Variants in GTPBP2 observed in about 807,000 individuals in gnomAD.
GTPBP2 encodes GTP binding protein 2.
GTPBP2 carries 32 observed loss-of-function variants against 63.0 expected under a neutral mutation model. The observed-to-expected ratio is 0.51, with a 90% CI of 0.38 to 0.68. The LOEUF is 0.68. Ranked by LOEUF, GTPBP2 falls within the 30% of genes least tolerant of loss-of-function variation. GTPBP2 has a pLI of 0.00. For synonymous variants in GTPBP2, 310 were observed against 322.6 expected (o/e 0.96, Z 0.42); for missense variants, 492 against 796.9 (o/e 0.62, Z 4.61).
Position 43,628,881 on chromosome 6 carries a change from C to T in GTPBP2, c.186+96G>A, listed in dbSNP as rs749333131. ...GCCCCTCCTCCCTGGGGTCTCGACA[C>T]CGGAAGGGGAGATTAATTATCTGGG... is the stretch of plus-strand genomic sequence containing the variant. On this transcript the variant is annotated intron_variant, in intron 1 of 11. Transcript: ENST00000307126. The T allele has an allele frequency of 1.0e-5, 14 of 1,352,554 alleles. No individual in the cohort carries two copies. In the South Asian group the frequency reaches 1.6e-4, roughly 16 times the overall value. 83.8% of individuals were successfully genotyped at this position (1,352,554 alleles called of 1,614,324 possible). A position where few individuals can be genotyped will look rare whatever the true frequency, so the allele number is the denominator to read the frequency against.
chr6:43,621,592 G>C lies in GTPBP2; in HGVS notation c.*22C>G. On this transcript the variant is annotated 3_prime_UTR_variant, in exon 12 of 12. Coordinates refer to ENST00000307126, the MANE Select transcript of GTPBP2 (RefSeq NM_019096.5). ...CTTATATATTGTAGGGACAGCAATA[G>C]AACTGTCCCTGCCTGAAGGGTTCAG... 12 of 1,613,580 alleles carry C rather than the reference G, an allele frequency of 7.4e-6. No homozygotes were observed. The highest frequency in any genetic ancestry group is 1.0e-5 in the Non-Finnish European group (12 of 1,179,514).
rs774475138 is a variant in GTPBP2 at position 43,624,744 on chromosome 6, C to G, written c.881-15G>C. The G allele has an allele frequency of 1.2e-6, 2 of 1,610,094 alleles. No individual in the cohort carries two copies. The highest frequency in any genetic ancestry group is 1.7e-6 in the Non-Finnish European group (2 of 1,176,928). ...TGTGGTGCCAGCTGCCTCATAAGGA[C>G]AGCAAGCAGCAGGAGAGAAGAGTGA... On this transcript the variant is annotated splice_polypyrimidine_tract_variant and intron_variant, in intron 6 of 11. Coordinates refer to ENST00000307126, the MANE Select transcript of GTPBP2 (RefSeq NM_019096.5). The surrounding 1 kb of genome is among the most constrained non-coding windows in gnomAD (Gnocchi z 5.1).
Position 43,621,488 on chromosome 6 carries a change from G to A in GTPBP2, c.*126C>T, listed in dbSNP as rs376907976. 45 of 1,559,670 alleles carry A rather than the reference G, an allele frequency of 2.9e-5. No homozygotes were observed. The highest frequency in any genetic ancestry group is 2.4e-4 in the South Asian group (20 of 84,842). ...TCTCCAGAAAGTTGGCAGGGAGCAAGTGGCAGACAGCACCCCTCTCTCCCT... is the reference window on the plus strand; with the variant it reads ...TCTCCAGAAAGTTGGCAGGGAGCAAATGGCAGACAGCACCCCTCTCTCCCT... On this transcript the variant is annotated 3_prime_UTR_variant, in exon 12 of 12. Transcript: ENST00000307126.
intron 1 of GTPBP2, 126 bp from the exon 2 acceptor site, chr6:43,627,074 AAGTGC>A: frequency 1.2e-6 from 1 of 858,310 alleles, no homozygotes; most frequent in Non-Finnish European, 1.8e-6. Flanking sequence ...TTGGTTAGGC[AAGTGC>A]CTGTCAAAGG....
intron 1 of GTPBP2, chr6:43,627,172 T>C: frequency 1.4e-6 from 1 of 729,392 alleles, no homozygotes; most frequent in Non-Finnish European, 1.9e-6. Context: ...GAGTCACCCA[T>C]TTAAGCCAGG....
upstream of GTPBP2, chr6:43,629,547 T>G: frequency 1.5e-6 from 1 of 648,900 alleles, no homozygotes; most frequent in Non-Finnish European, 2.8e-6. Flanking sequence ...TTGGGGGGAA[T>G]TTAGAGCCTC....
In GTPBP2 at chr6:43,621,578, T is replaced by C. The variant is rs370454824; in HGVS notation, c.*36A>G. On this transcript the variant is annotated 3_prime_UTR_variant, in exon 12 of 12. Transcript: ENST00000307126. ...TGGCCAGAAGTCACCTTATATATTGTAGGGACAGCAATAGAACTGTCCCTG... is the reference window on the plus strand; with the variant it reads ...TGGCCAGAAGTCACCTTATATATTGCAGGGACAGCAATAGAACTGTCCCTG... The C allele has an allele frequency of 2.7e-5, 44 of 1,613,922 alleles. No homozygotes were observed. The African/African-American group carries it at 5.7e-4, about 21-fold the overall frequency.
upstream of GTPBP2, among the ~76,000 whole-genome samples, chr6:43,629,954 TA>T (rs1466378959): frequency 6.6e-6 from 1 of 152,256 alleles, no homozygotes; most frequent in East Asian, 1.9e-4. Flanking sequence ...CCCGAACCCG[TA>T]AACCAGCTTC....
chr6:43,628,499 TGTG>T, intron 1 of GTPBP2: 2 of 877,556 alleles, frequency 2.3e-6, no homozygotes, highest in Non-Finnish European at 2.7e-6. Context: ...TGTGTGTGTG[TGTG>T]TGTAGTGAAC....
upstream of GTPBP2, chr6:43,629,751 T>C (rs1769778201): frequency 6.4e-7 from 1 of 1,555,814 alleles, no homozygotes; most frequent in Non-Finnish European, 8.7e-7. Context: ...TCTTCCCCTA[T>C]GGCCCGCGTG....
Position 43,624,784 on chromosome 6 carries a change from G to A in GTPBP2, c.881-55C>T. 1 of 1,588,174 alleles carries A rather than the reference G, an allele frequency of 6.3e-7. No individual in the cohort carries two copies. Among genetic ancestry groups the A allele is most frequent in the South Asian group, 1.1e-5 (1 of 90,520 alleles). On this transcript the variant is annotated intron_variant, in intron 6 of 11. Coordinates refer to ENST00000307126, the MANE Select transcript of GTPBP2 (RefSeq NM_019096.5). The surrounding 1 kb of genome is among the most constrained non-coding windows in gnomAD (Gnocchi z 5.1). ...GAGAAGAGTGAGAATGCAGGAGGGA[G>A]GAGAGGGAAGAAGAGGAGCATTGGT...
rs1769245596 is a variant in GTPBP2 at position 43,625,642 on chromosome 6, T to A, written c.508-82A>T. On this transcript the variant is annotated intron_variant, in intron 4 of 11. Transcript: ENST00000307126. The surrounding 1 kb of genome is among the most constrained non-coding windows in gnomAD (Gnocchi z 5.1). ...CTGGGTCAAGGGCAGTGACGCTCCC[T>A]AGGGAGCAAGTGATGAACTGGAAGC... 3 of 1,421,980 alleles carry A rather than the reference T, an allele frequency of 2.1e-6. No homozygotes were observed. The African/African-American group carries it at 4.2e-5, about 20-fold the overall frequency. The allele number at this position is 1,421,980 out of a possible 1,614,324, so 88.1% of individuals were successfully genotyped here.
chr6:43,629,536 C>T (rs1769761909), upstream of GTPBP2: 4 of 638,838 alleles, frequency 6.3e-6, no homozygotes, highest in South Asian at 5.3e-5. Flanking sequence ...TTTTCTAGGA[C>T]TTGGGGGGAA....
upstream of GTPBP2, chr6:43,629,688 A>C: frequency 6.5e-7 from 1 of 1,533,530 alleles, no homozygotes; most frequent in Non-Finnish European, 8.8e-7. Context: ...CGAGAGCTGC[A>C]GAACTGAGGC....
Position 43,624,855 on chromosome 6 carries a change from C to G in GTPBP2, c.880+33G>C. On this transcript the variant is annotated intron_variant, in intron 6 of 11. Transcript: ENST00000307126. This position sits in a 1 kb window ranked among gnomAD's most constrained non-coding sequence, Gnocchi z 5.1. ...CCAGGGTAGGAGAGTCAGCACCCCC[C>G]TTCAGCCCTGTCCCTGCCCTAATGC... The G allele has an allele frequency of 2.5e-6, 4 of 1,609,858 alleles. No homozygotes were observed.
chr6:43,625,595 C>T lies in GTPBP2; in HGVS notation c.508-35G>A. ...AATTGCCAGAGATAAGAACTCCAAT[C>T]TCTCACCCCTCTAACTGAAGACTGG... On this transcript the variant is annotated intron_variant, in intron 4 of 11. Coordinates refer to ENST00000307126, the MANE Select transcript of GTPBP2 (RefSeq NM_019096.5). This position sits in a 1 kb window ranked among gnomAD's most constrained non-coding sequence, Gnocchi z 5.1. 5 of 1,543,326 alleles carry T rather than the reference C, an allele frequency of 3.2e-6. No homozygotes were observed. The highest frequency in any genetic ancestry group is 4.5e-6 in the Non-Finnish European group (5 of 1,115,846).
intron 1 of GTPBP2, 110 bp downstream of exon 1, chr6:43,628,867 C>G: frequency 8.2e-7 from 1 of 1,222,140 alleles, no homozygotes; most frequent in South Asian, 1.2e-5. Flanking sequence ...CCCCTCCTCC[C>G]TGGGGTCTCG....
chr6:43,629,620 G>C (rs1274260668), upstream of GTPBP2: 1 of 960,484 alleles, frequency 1.0e-6, no homozygotes, highest in Non-Finnish European at 1.6e-6. Context: ...ATCGAGCTTT[G>C]TGGGCGCTCC....
Position 43,625,958 on chromosome 6 carries a change from A to C in GTPBP2, c.399-94T>G. ...TACAGACTTCCTGCACCTCCCACAG[A>C]GCTCCCAATACCTTAGTGCACTTCC... On this transcript the variant is annotated intron_variant, in intron 3 of 11. Transcript: ENST00000307126. This position sits in a 1 kb window ranked among gnomAD's most constrained non-coding sequence, Gnocchi z 5.1. 1 of 941,992 alleles carries C rather than the reference A, an allele frequency of 1.1e-6. No homozygotes were observed. Among genetic ancestry groups the C allele is most frequent in the Non-Finnish European group, 1.7e-6 (1 of 577,466 alleles). 58.4% of individuals were successfully genotyped at this position (941,992 alleles called of 1,614,324 possible).
Sources: gnomAD v4.1 joint callset for allele counts (sites outside exome capture counted in the v4.1 genomes callset) on GRCh38, gnomAD v4.1.1 for gene constraint, Gnocchi (gnomAD v3.1) non-coding constraint, MANE v1.5 for transcripts, NCBI Gene and HGNC (gene_info 2026-07-23, HGNC 2026-07-21) for gene names.